Variants in GALNT2 observed in about 807,000 individuals in gnomAD.
The protein encoded by GALNT2 is UDP-GalNAc:polypeptide N-acetylgalactosaminyltransferase 2.
Under a neutral mutation model 81.4 loss-of-function variants are expected in GALNT2, and 31 were observed. The observed-to-expected ratio is 0.38, with a 90% confidence interval of 0.29 to 0.51. The LOEUF (loss-of-function observed/expected upper bound fraction) is 0.51, where lower values mean the gene tolerates loss of function less well. Ranked by LOEUF, GALNT2 falls within the 20% of genes least tolerant of loss-of-function variation. GALNT2 has a pLI of 0.87. For synonymous variants in GALNT2, 303 were observed against 287.4 expected (o/e 1.05, Z -0.55); for missense variants, 629 against 765.7 (o/e 0.82, Z 2.11).
chr1:230,092,738 C>T (rs1660132155), intron 1 of GALNT2, among the ~76,000 whole-genome samples: 1 of 152,148 alleles, frequency 6.6e-6, no homozygotes, highest in Admixed American at 6.5e-5. Flanking sequence ...GTTTAAGCAA[C>T]ATATATCTCT....
chr1:230,269,731 CAA>C (rs34868862), intron 14 of GALNT2, among the ~76,000 whole-genome samples: 3 of 113,150 alleles, frequency 2.7e-5, no homozygotes, highest in Non-Finnish European at 3.8e-5. Context: ...TCCGTCTTTA[CAA>C]AAAAAAAAAA....
intron 3 of GALNT2, among the ~76,000 whole-genome samples, chr1:230,211,661 C>T (rs931622417): frequency 5.9e-5 from 9 of 152,046 alleles, no homozygotes; most frequent in Non-Finnish European, 7.4e-5. Context: ...TACTCCCAGC[C>T]GCTTGGGAGG....
chr1:230,186,805 G>C (rs770014638), intron 2 of GALNT2, among the ~76,000 whole-genome samples: 1 of 152,230 alleles, frequency 6.6e-6, no homozygotes. Context: ...GTTATTAGTA[G>C]TAATTTTTGA....
chr1:230,211,458 A>AT (rs1399351102), intron 3 of GALNT2, among the ~76,000 whole-genome samples: 1 of 152,180 alleles, frequency 6.6e-6, no homozygotes, highest in African/African-American at 2.4e-5. Context: ...TTCATTGAAC[A>AT]TTTTTTGGTA....
At chr1:230,194,823 T>A (rs747062655) in intron 2 of GALNT2, among the ~76,000 whole-genome samples, 4 of 152,214 alleles carry the variant, frequency 2.6e-5, no homozygotes, top group Non-Finnish European at 5.9e-5. Context: ...TGGGCCCCCA[T>A]CCACCATAGA....
chr1:230,273,598 A>G (rs550663389), intron 14 of GALNT2, among the ~76,000 whole-genome samples: 19 of 152,280 alleles, frequency 1.2e-4, no homozygotes, highest in African/African-American at 4.6e-4. Context: ...CTCCTCTGCC[A>G]CCTGGGACCA....
intron 1 of GALNT2, among the ~76,000 whole-genome samples, chr1:230,172,587 G>C (rs950516501): frequency 6.6e-6 from 1 of 152,186 alleles, no homozygotes; most frequent in Admixed American, 6.5e-5. Context: ...TGCCCTGCAC[G>C]CATAGATTCG....
chr1:230,197,007 A>G (rs904714846), intron 2 of GALNT2, among the ~76,000 whole-genome samples: 1 of 152,080 alleles, frequency 6.6e-6, no homozygotes, highest in African/African-American at 2.4e-5. Flanking sequence ...ATTTTCTCTT[A>G]GAGTAGGCCC....
At chr1:230,235,488 C>T (rs1434014532) in intron 3 of GALNT2, among the ~76,000 whole-genome samples, 1 of 152,174 alleles carries the variant, frequency 6.6e-6, no homozygotes, top group Non-Finnish European at 1.5e-5. Context: ...GGATGGCCTT[C>T]CAGGGCAAGG....
At chr1:230,145,913 C>A (rs139439695) in intron 1 of GALNT2, among the ~76,000 whole-genome samples, 1 of 152,216 alleles carries the variant, frequency 6.6e-6, no homozygotes, top group Non-Finnish European at 1.5e-5. Context: ...CAAAGATGCT[C>A]GCCGCTTGCA....
intron 1 of GALNT2, among the ~76,000 whole-genome samples, chr1:230,084,479 C>T (rs548832598): frequency 2.6e-5 from 4 of 152,090 alleles, no homozygotes; most frequent in Admixed American, 1.3e-4. Context: ...GACGTGAGGT[C>T]AGAGAGACAG....
At chr1:230,194,546 G>A (rs947323627) in intron 2 of GALNT2, among the ~76,000 whole-genome samples, 1 of 152,228 alleles carries the variant, frequency 6.6e-6, no homozygotes, top group Non-Finnish European at 1.5e-5. Flanking sequence ...GGGATAAGAA[G>A]GGAAGGCCTT....
At chr1:230,104,050 C>G (rs573366097) in intron 1 of GALNT2, among the ~76,000 whole-genome samples, 1 of 152,142 alleles carries the variant, frequency 6.6e-6, no homozygotes, top group Non-Finnish European at 1.5e-5. Context: ...TTACTGAGTG[C>G]GAGGCAGTCA....
intron 15 of GALNT2, 63 bp downstream of exon 15, chr1:230,274,627 C>T (rs903106630): frequency 1.4e-5 from 23 of 1,600,044 alleles, no homozygotes; most frequent in Middle Eastern, 2.0e-4. Flanking sequence ...CCACGGCCTG[C>T]GCCCTCTTGC....
At chr1:230,150,189 G>A (rs1399053109) in intron 1 of GALNT2, among the ~76,000 whole-genome samples, 3 of 152,224 alleles carry the variant, frequency 2.0e-5, no homozygotes, top group Admixed American at 2.0e-4. Context: ...GGGGCCAGGA[G>A]AGCCATCGCC....
chr1:230,108,435 T>C (rs1660605420), intron 1 of GALNT2, among the ~76,000 whole-genome samples: 1 of 152,218 alleles, frequency 6.6e-6, no homozygotes, highest in African/African-American at 2.4e-5. Context: ...AAGTCCATAA[T>C]GCACTTCTGA....
chr1:230,139,060 T>C (rs4846834), intron 1 of GALNT2, among the ~76,000 whole-genome samples: 116,133 of 152,100 alleles, frequency 0.76, 44,928 homozygotes, highest in African/African-American at 0.9. Context: ...ACATCTGACA[T>C]GAGCACTCAG....
chr1:230,112,920 C>G (rs1243816265), intron 1 of GALNT2, among the ~76,000 whole-genome samples: 2 of 152,298 alleles, frequency 1.3e-5, no homozygotes, highest in East Asian at 3.9e-4. Flanking sequence ...TAGGAACTGC[C>G]TGGGACAGCC....
rs750530614 is a variant in GALNT2, at chr1:230,246,106, T to C, written c.773T>C (p.Met258Thr). ...VVSPIIDVIN[M>T]DNFQYVGASA... ...TCACCCATCATCGATGTCATTAATA[T>C]GGACAACTTTCAGTATGTGGGGGCA... The change falls in exon 8 of 16, where the codon ATG becomes ACG. Residue 258 changes from methionine to threonine, a missense_variant. Coordinates refer to ENST00000366672, the MANE Select transcript of GALNT2 (RefSeq NM_004481.5). The C allele has an allele frequency of 6.2e-7, 1 of 1,614,152 alleles. No homozygotes were observed. Among genetic ancestry groups the C allele is most frequent in the South Asian group, 1.1e-5 (1 of 91,078 alleles).
Sources: allele counts gnomAD v4.1 joint callset (sites outside exome capture counted in the v4.1 genomes callset), GRCh38; gene constraint gnomAD v4.1.1; transcripts MANE v1.5; gene names NCBI Gene and HGNC (gene_info 2026-07-23, HGNC 2026-07-21).